ATG5: variants seen among roughly 807,000 people sequenced by gnomAD.
ATG5 encodes the protein autophagy related 5, also known as autophagy protein 5.
Under a neutral mutation model 36.5 loss-of-function variants are expected in ATG5, and 14 were observed. The observed-to-expected ratio is 0.38, with a 90% CI of 0.25 to 0.60. The LOEUF (loss-of-function observed/expected upper bound fraction) is 0.60. Among genes scored for constraint, ATG5 ranks in the 20% least tolerant of loss-of-function variants. ATG5 has a pLI of 0.60. For synonymous variants in ATG5, 95 were observed against 101.5 expected, an observed-to-expected ratio of 0.94 and a Z score of 0.38; for missense variants, 195 against 326.7, an observed-to-expected ratio of 0.60 and a Z score of 3.11.
chr6:106,195,067 A>G (rs556968361), intron 7 of ATG5, among the ~76,000 whole-genome samples: 2 of 152,294 alleles, frequency 1.3e-5, no homozygotes, highest in East Asian at 3.9e-4. Flanking sequence ...GCCATTTACA[A>G]AAAAAGAAAG....
chr6:106,279,037 T>C (rs1033768490), intron 5 of ATG5, among the ~76,000 whole-genome samples: 2 of 152,200 alleles, frequency 1.3e-5, no homozygotes, highest in African/African-American at 4.8e-5. Flanking sequence ...CTGAAATTCA[T>C]GCATACTGGA....
intron 5 of ATG5, among the ~76,000 whole-genome samples, chr6:106,260,263 A>T (rs1778965621): frequency 2.0e-5 from 3 of 152,234 alleles, no homozygotes; most frequent in African/African-American, 4.8e-5. Flanking sequence ...ATAATTTTTT[A>T]AAAAAGAAAA....
chr6:106,278,419 T>G (rs1401611016), intron 5 of ATG5, among the ~76,000 whole-genome samples: 1 of 152,214 alleles, frequency 6.6e-6, no homozygotes, highest in Non-Finnish European at 1.5e-5. Flanking sequence ...TCATAAAATA[T>G]CTGAGAGTTC....
intron 5 of ATG5, among the ~76,000 whole-genome samples, chr6:106,276,412 C>T (rs538841630): frequency 1.4e-4 from 21 of 147,258 alleles, no homozygotes; most frequent in Admixed American, 2.9e-4. Flanking sequence ...TGCAGTGAGC[C>T]GAGATCATGC....
At chr6:106,275,302 C>T (rs934813224) in intron 5 of ATG5, among the ~76,000 whole-genome samples, 9 of 152,150 alleles carry the variant, frequency 5.9e-5, no homozygotes, top group Non-Finnish European at 1.0e-4. Flanking sequence ...CTAAAGATTT[C>T]CGAAATGAAT....
At chr6:106,292,936 A>T (rs1025455470) in intron 4 of ATG5, 92 bp downstream of exon 4, 3 of 992,052 alleles carry the variant, frequency 3.0e-6, no homozygotes, top group Non-Finnish European at 4.6e-6. Flanking sequence ...GGGGAAAAGC[A>T]ATAAATAACT....
chr6:106,315,910 T>C (rs543782154), intron 2 of ATG5, among the ~76,000 whole-genome samples, 191 bp downstream of exon 2: 13 of 152,354 alleles, frequency 8.5e-5, no homozygotes, highest in Admixed American at 7.8e-4. Flanking sequence ...GACAGTGGTT[T>C]TGTCCTCTGA....
intron 5 of ATG5, among the ~76,000 whole-genome samples, chr6:106,261,511 G>A (rs1475817172): frequency 6.6e-6 from 1 of 152,248 alleles, no homozygotes; most frequent in African/African-American, 2.4e-5. Context: ...AGCCCACACT[G>A]TGAACTTTGA....
intron 5 of ATG5, among the ~76,000 whole-genome samples, chr6:106,271,103 T>C (rs954268224): frequency 6.6e-6 from 1 of 152,186 alleles, no homozygotes; most frequent in Admixed American, 6.5e-5. Flanking sequence ...AGTCCTCCAA[T>C]AGCTTAAAAT....
At chr6:106,311,837 T>A (rs1339292490) in intron 2 of ATG5, among the ~76,000 whole-genome samples, 1 of 151,818 alleles carries the variant, frequency 6.6e-6, no homozygotes, top group Non-Finnish European at 1.5e-5. Flanking sequence ...TCCTTCTTTT[T>A]TTTTTTTTTT....
chr6:106,192,325 T>C (rs1020290416), intron 7 of ATG5, among the ~76,000 whole-genome samples: 1 of 152,156 alleles, frequency 6.6e-6, no homozygotes, highest in Non-Finnish European at 1.5e-5. Context: ...CACTGTGTGA[T>C]AAATTTGAGT....
chr6:106,267,942 T>C (rs1419847261), intron 5 of ATG5, among the ~76,000 whole-genome samples: 1 of 152,182 alleles, frequency 6.6e-6, no homozygotes, highest in African/African-American at 2.4e-5. Flanking sequence ...AAAGACTTCA[T>C]GACTAAAACA....
intron 7 of ATG5, among the ~76,000 whole-genome samples, chr6:106,194,373 A>G (rs924150408): frequency 1.3e-5 from 2 of 152,162 alleles, no homozygotes; most frequent in African/African-American, 4.8e-5. Flanking sequence ...AATACTTAAA[A>G]GTATCTGCTT....
intron 1 of ATG5, 66 bp from the exon 2 acceptor site, chr6:106,316,332 AAG>A: frequency 1.8e-6 from 1 of 549,184 alleles, no homozygotes; most frequent in Non-Finnish European, 3.0e-6. Flanking sequence ...TAGAAAACAA[AAG>A]ATTATTTTAA....
Position 106,293,045 on chromosome 6 carries a change from T to C in ATG5, c.298A>G (p.Ile100Val). 1 of 1,613,552 alleles carries C rather than the reference T, an allele frequency of 6.2e-7. No individual in the cohort carries two copies. The highest frequency in any genetic ancestry group is 2.2e-5 in the East Asian group (1 of 44,816). ...TACTATACCTTAAAATGTACTGTGATGTTCCAAGGAAGAGCTGAACTTGAT... is the reference window on the plus strand; with the variant it reads ...TACTATACCTTAAAATGTACTGTGACGTTCCAAGGAAGAGCTGAACTTGAT... ...LASSSALPWN[I>V]TVHFKSFPEK... Residue 100 changes from isoleucine to valine, a missense_variant, in exon 4 of 8, where the codon ATC becomes GTC. Ile to Val is a conservative substitution (Grantham distance 29). Coordinates refer to ENST00000369076, the MANE Select transcript of ATG5 (RefSeq NM_004849.4).
chr6:106,250,742 T>C (rs747857399), intron 5 of ATG5, among the ~76,000 whole-genome samples: 1 of 152,210 alleles, frequency 6.6e-6, no homozygotes, highest in Non-Finnish European at 1.5e-5. Flanking sequence ...GTATGTGCTC[T>C]TGAATCAAAG....
At chr6:106,212,422 C>T (rs1776886891) in intron 6 of ATG5, among the ~76,000 whole-genome samples, 1 of 152,202 alleles carries the variant, frequency 6.6e-6, no homozygotes, top group Non-Finnish European at 1.5e-5. Flanking sequence ...GGGCGGATCA[C>T]CTGAGGTCAG....
At chr6:106,316,978 C>T (rs549899729) in intron 1 of ATG5, among the ~76,000 whole-genome samples, 3 of 152,142 alleles carry the variant, frequency 2.0e-5, no homozygotes, top group Non-Finnish European at 2.9e-5. Flanking sequence ...ATGCTCACAG[C>T]CCTCTGGCCC....
chr6:106,307,477 A>G (rs1770490877), intron 3 of ATG5, among the ~76,000 whole-genome samples: 1 of 151,712 alleles, frequency 6.6e-6, no homozygotes, highest in South Asian at 2.1e-4. Flanking sequence ...CAGAGGAAGC[A>G]CCAAAAAACA....
Sources: allele counts gnomAD v4.1 joint callset (sites outside exome capture counted in the v4.1 genomes callset), GRCh38; gene constraint gnomAD v4.1.1; transcripts MANE v1.5; gene names NCBI Gene and HGNC (gene_info 2026-07-23, HGNC 2026-07-21).